HINT3: variants seen among roughly 807,000 people sequenced by gnomAD.
The protein encoded by HINT3 is histidine triad nucleotide binding protein 3, also known as adenosine 5'-monophosphoramidase HINT3.
HINT3 carries 16 observed loss-of-function variants against 19.1 expected under a neutral mutation model. The ratio of observed to expected loss-of-function variants is 0.84; its 90% CI spans 0.57 to 1.27. HINT3 has a LOEUF of 1.27. HINT3 is among the 50% of genes most tolerant of loss of function. HINT3 has a pLI of 0.00. For missense variants in HINT3, 197 were observed against 225.8 expected (o/e 0.87, Z 0.82); for synonymous variants, 75 against 84.8 (o/e 0.88, Z 0.63).
rs1207961101 is a variant in HINT3 at position 125,979,262 on chromosome 6, AG to A, written c.*1587del. The A allele has an allele frequency of 2.0e-5, 3 of 152,206 alleles. No homozygotes were observed. The highest frequency in any genetic ancestry group is 2.0e-4 in the Admixed American group (3 of 15,284). The allele number at this position is 152,206 out of a possible 1,614,324, so 9.4% of individuals were successfully genotyped here. On this transcript the variant is annotated 3_prime_UTR_variant, in exon 5 of 5. Transcript: ENST00000229633. ...GAAGTAGGGGTTATGGGCTCTCAAA[AG>A]TAGATTTAGAGAGATTTTTTTATCA...
rs888473450 is a variant in HINT3 at position 125,957,463 on chromosome 6, C to T, written c.201+285C>T. Among the ~76,000 whole-genome samples, 3 of 152,338 alleles carry T rather than the reference C, an allele frequency of 2.0e-5. No homozygotes were observed. In the South Asian group the frequency reaches 6.2e-4, roughly 32 times the overall value. On this transcript the variant is annotated intron_variant, in intron 1 of 4. Coordinates refer to ENST00000229633, the MANE Select transcript of HINT3 (RefSeq NM_138571.5). ...GTTCCCAGGGGCAAAGAGTGAATGA[C>T]AGGGCCGAATGCTTTGGCCTATGTT...
At chr6:125,976,261 A>C (rs1789177194) in intron 4 of HINT3, among the ~76,000 whole-genome samples, 1 of 152,094 alleles carries the variant, frequency 6.6e-6, no homozygotes, top group Non-Finnish European at 1.5e-5. Flanking sequence ...AAATACAAAA[A>C]TTAGCTGGGT....
In HINT3 at chr6:125,956,884, T is replaced by C. The variant is rs1788840549; in HGVS notation, c.-94T>C. Reference sequence around the variant, plus strand: ...CCAGCGTCAGGCGAGGGGCGACGTCTCGAGGTAAAACGGAGGAGGTGCGGG... The same window carrying C: ...CCAGCGTCAGGCGAGGGGCGACGTCCCGAGGTAAAACGGAGGAGGTGCGGG... On this transcript the variant is annotated 5_prime_UTR_variant, in exon 1 of 5. Coordinates refer to ENST00000229633, the MANE Select transcript of HINT3 (RefSeq NM_138571.5). 4 of 1,284,210 alleles carry C rather than the reference T, an allele frequency of 3.1e-6. No individual in the cohort carries two copies. The highest frequency in any genetic ancestry group is 2.5e-5 in the East Asian group (1 of 39,236). 79.6% of individuals were successfully genotyped at this position (1,284,210 alleles called of 1,614,324 possible). A position where few individuals can be genotyped will look rare whatever the true frequency, so the allele number is the denominator to read the frequency against.
intron 3 of HINT3, 85 bp from the exon 4 acceptor site, chr6:125,974,762 C>A: frequency 7.5e-7 from 1 of 1,334,878 alleles, no homozygotes; most frequent in Non-Finnish European, 1.1e-6. Context: ...TATTTTGGAT[C>A]TCATTAAAAT....
At chr6:125,961,122 G>A (rs1562211648) in intron 1 of HINT3, among the ~76,000 whole-genome samples, 1 of 152,204 alleles carries the variant, frequency 6.6e-6, no homozygotes, top group East Asian at 1.9e-4. Context: ...TGAAGAGACT[G>A]GGGATATTTT....
At position 125,977,829 on chromosome 6, in the gene HINT3, A is replaced by G; in HGVS notation, c.*153A>G. On this transcript the variant is annotated 3_prime_UTR_variant, in exon 5 of 5. Transcript: ENST00000229633. ...AATCTTTTCTGAATGTCTGTTTCCT[A>G]AGATCTGTGATACAGTTATGTGAAT... The G allele has an allele frequency of 2.1e-6, 1 of 484,616 alleles. No individual in the cohort carries two copies. Among genetic ancestry groups the G allele is most frequent in the Middle Eastern group, 3.5e-4 (1 of 2,820 alleles). 30.0% of individuals were successfully genotyped at this position (484,616 alleles called of 1,614,324 possible). A position where few individuals can be genotyped will look rare whatever the true frequency, so the allele number is the denominator to read the frequency against.
intron 1 of HINT3, among the ~76,000 whole-genome samples, chr6:125,964,097 G>C (rs1788983041): frequency 6.6e-6 from 1 of 152,162 alleles, no homozygotes; most frequent in African/African-American, 2.4e-5. Context: ...GCTTCCCTGT[G>C]ATCCAAATTC....
At chr6:125,957,306 G>T in intron 1 of HINT3, 128 bp downstream of exon 1, 1 of 1,022,470 alleles carries the variant, frequency 9.8e-7, no homozygotes. Context: ...CAGAGGCAGG[G>T]CCGCTCTGTG....
intron 1 of HINT3, among the ~76,000 whole-genome samples, chr6:125,959,770 TAGAG>T (rs760674385): frequency 6.6e-6 from 1 of 152,132 alleles, no homozygotes; most frequent in Non-Finnish European, 1.5e-5. Context: ...AAGATGCCTA[TAGAG>T]AGAGGTTTAA....
chr6:125,965,534 G>A (rs1275815907), intron 1 of HINT3, among the ~76,000 whole-genome samples: 2 of 152,130 alleles, frequency 1.3e-5, no homozygotes, highest in African/African-American at 4.8e-5. Context: ...ACTGAGGCAG[G>A]AGGATCGCTT....
At chr6:125,973,325 C>T (rs1051787740) in intron 3 of HINT3, among the ~76,000 whole-genome samples, 4 of 151,948 alleles carry the variant, frequency 2.6e-5, no homozygotes, top group East Asian at 1.9e-4. Flanking sequence ...GTGATCCGCC[C>T]GCCTTGGCCT....
At chr6:125,973,629 G>T (rs1789141100) in intron 3 of HINT3, among the ~76,000 whole-genome samples, 1 of 152,168 alleles carries the variant, frequency 6.6e-6, no homozygotes, top group Non-Finnish European at 1.5e-5. Context: ...AGGTGCAAAT[G>T]AGATTCTCTG....
chr6:125,977,039 C>A (rs952637358), intron 4 of HINT3, among the ~76,000 whole-genome samples: 10 of 152,164 alleles, frequency 6.6e-5, no homozygotes, highest in Non-Finnish European at 1.0e-4. Flanking sequence ...ATATTTGTTA[C>A]AATCAATGAA....
At chr6:125,976,590 A>G (rs1475859059) in intron 4 of HINT3, among the ~76,000 whole-genome samples, 1 of 119,216 alleles carries the variant, frequency 8.4e-6, no homozygotes, top group Admixed American at 9.8e-5. Context: ...CTAATTTTCT[A>G]TAAGAGCTAT....
intron 3 of HINT3, 37 bp from the exon 4 acceptor site, chr6:125,974,810 A>G: frequency 6.3e-7 from 1 of 1,599,132 alleles, no homozygotes; most frequent in East Asian, 2.2e-5. Flanking sequence ...TTATTTTAGA[A>G]CTGGTTTGTC....
chr6:125,964,952 A>G (rs985077562), intron 1 of HINT3, among the ~76,000 whole-genome samples: 1 of 152,196 alleles, frequency 6.6e-6, no homozygotes, highest in Admixed American at 6.5e-5. Flanking sequence ...GTGTAGGCTA[A>G]CTAAAACATC....
chr6:125,973,545 C>G (rs1240851092), intron 3 of HINT3, among the ~76,000 whole-genome samples: 1 of 152,116 alleles, frequency 6.6e-6, no homozygotes, highest in Admixed American at 6.5e-5. Context: ...GTGGTGTACT[C>G]TACGTACACT....
chr6:125,957,216 T>C, intron 1 of HINT3, 38 bp downstream of exon 1: 1 of 1,517,672 alleles, frequency 6.6e-7, no homozygotes, highest in Non-Finnish European at 8.9e-7. Context: ...GGTGAGGACC[T>C]GGCCGCCCCT....
intron 1 of HINT3, among the ~76,000 whole-genome samples, 184 bp from the exon 2 acceptor site, chr6:125,966,703 A>AAATATTTTATTCTTC (rs1789022284): frequency 6.6e-6 from 1 of 152,224 alleles, no homozygotes; most frequent in Admixed American, 6.5e-5. Context: ...CTCTGGAATC[A>AAATATTTTATTCTTC]ATAAGCATCT....
Sources: gnomAD v4.1 joint callset for allele counts (sites outside exome capture counted in the v4.1 genomes callset) on GRCh38, gnomAD v4.1.1 for gene constraint, MANE v1.5 for transcripts, NCBI Gene and HGNC (gene_info 2026-07-23, HGNC 2026-07-21) for gene names.